SDHB: variants seen among roughly 807,000 people sequenced by gnomAD.
SDHB encodes the protein succinate dehydrogenase [ubiquinone] iron-sulfur subunit, mitochondrial.
SDHB carries 21 observed loss-of-function variants against 39.7 expected under a neutral mutation model. The ratio of observed to expected loss-of-function variants is 0.53; its 90% CI spans 0.37 to 0.76. The LOEUF is 0.76. SDHB is among the 30% of genes least tolerant of loss of function. The probability of loss-of-function intolerance (pLI) is 0.00; values close to 1 mark genes in which losing one functional copy is unlikely to be tolerated. For synonymous variants in SDHB, 118 were observed against 117.0 expected, an observed-to-expected ratio of 1.01 and a Z score of -0.06; for missense variants, 343 against 350.9, an observed-to-expected ratio of 0.98 and a Z score of 0.18.
chr1:17,025,196 C>CT (rs1481975162), intron 5 of SDHB, among the ~76,000 whole-genome samples: 1 of 152,134 alleles, frequency 6.6e-6, no homozygotes, highest in African/African-American at 2.4e-5. Flanking sequence ...GTGCATACAT[C>CT]TGAAGCAGTA....
chr1:17,032,865 A>G, intron 3 of SDHB, 195 bp downstream of exon 3: 1 of 643,956 alleles, frequency 1.6e-6, no homozygotes. Flanking sequence ...GAAGGAAAGT[A>G]AACTCAGAAA....
At chr1:17,039,774 C>T (rs556263260) in intron 2 of SDHB, among the ~76,000 whole-genome samples, 18 of 152,228 alleles carry the variant, frequency 1.2e-4, no homozygotes, top group African/African-American at 4.1e-4. Context: ...CCAGCCCCTA[C>T]GCTATAGTTA....
intron 1 of SDHB, among the ~76,000 whole-genome samples, chr1:17,045,855 T>G (rs1285312228): frequency 1.3e-5 from 2 of 152,184 alleles, no homozygotes; most frequent in South Asian, 4.1e-4. Flanking sequence ...TACAGGGTAC[T>G]TTAATCCCAG....
At chr1:17,032,772 C>A in intron 3 of SDHB, 1 of 470,712 alleles carries the variant, frequency 2.1e-6, no homozygotes, top group Non-Finnish European at 3.9e-6. Flanking sequence ...AAGGTGCCAG[C>A]CAGCAGGTCC....
At chr1:17,043,251 G>A (rs1368892857) in intron 2 of SDHB, among the ~76,000 whole-genome samples, 6 of 152,060 alleles carry the variant, frequency 3.9e-5, no homozygotes, top group Admixed American at 6.6e-5. Context: ...ATGAGCCACC[G>A]CGCCCGGCCT....
At chr1:17,043,821 C>G (rs1168084956) in intron 2 of SDHB, among the ~76,000 whole-genome samples, 1 of 152,202 alleles carries the variant, frequency 6.6e-6, no homozygotes, top group East Asian at 1.9e-4. Flanking sequence ...TTACAGTCAG[C>G]AGAATGACAG....
At chr1:17,053,099 T>C (rs2078157682) in intron 1 of SDHB, among the ~76,000 whole-genome samples, 1 of 152,174 alleles carries the variant, frequency 6.6e-6, no homozygotes, top group Non-Finnish European at 1.5e-5. Flanking sequence ...AAATCCTTAG[T>C]CCCTTATGTA....
At chr1:17,034,474 G>A (rs1056621570) in intron 2 of SDHB, among the ~76,000 whole-genome samples, 6 of 151,874 alleles carry the variant, frequency 4.0e-5, no homozygotes, top group East Asian at 1.9e-4. Flanking sequence ...TCTACCTTCC[G>A]GGTTCAAGCG....
At chr1:17,028,546 T>G in intron 4 of SDHB, 54 bp downstream of exon 4, 1 of 1,595,456 alleles carries the variant, frequency 6.3e-7, no homozygotes, top group Non-Finnish European at 8.6e-7. Context: ...GTAACACACA[T>G]AGCACTGCCC....
At chr1:17,020,070 A>G (rs1034095940) in intron 7 of SDHB, among the ~76,000 whole-genome samples, 1 of 152,234 alleles carries the variant, frequency 6.6e-6, no homozygotes, top group South Asian at 2.1e-4. Context: ...ATTTGTGTGC[A>G]GCATAAAACA....
chr1:17,045,228 A>T, intron 1 of SDHB: 1 of 321,298 alleles, frequency 3.1e-6, no homozygotes, highest in South Asian at 2.6e-5. Flanking sequence ...CTGGATGAAT[A>T]CAGCAGAGAC....
intron 4 of SDHB, 102 bp from the exon 5 acceptor site, chr1:17,027,967 C>G: frequency 1.4e-6 from 1 of 728,574 alleles, no homozygotes; most frequent in Non-Finnish European, 2.5e-6. Flanking sequence ...GACTACTCGT[C>G]CACTCTATGC....
At chr1:17,034,644 T>C (rs2078041768) in intron 2 of SDHB, among the ~76,000 whole-genome samples, 1 of 152,144 alleles carries the variant, frequency 6.6e-6, no homozygotes, top group Non-Finnish European at 1.5e-5. Context: ...CCTTCCCAAA[T>C]GCTGGGATTA....
In SDHB at chr1:17,023,960, A is replaced by C; in HGVS notation, c.642+13T>G. ...GTTTCAATTTCTCTTAAAGCAATTAAGGAGCACCTCACCTGCATAAGAACT... is the reference window on the plus strand; with the variant it reads ...GTTTCAATTTCTCTTAAAGCAATTACGGAGCACCTCACCTGCATAAGAACT... On this transcript the variant is annotated intron_variant, in intron 6 of 7. Transcript: ENST00000375499. The C allele has an allele frequency of 1.3e-6, 2 of 1,592,446 alleles. No individual in the cohort carries two copies. Among genetic ancestry groups the C allele is most frequent in the Non-Finnish European group, 1.7e-6 (2 of 1,160,810 alleles).
chr1:17,032,048 T>G (rs556787518), intron 3 of SDHB, among the ~76,000 whole-genome samples: 1 of 152,332 alleles, frequency 6.6e-6, no homozygotes, highest in South Asian at 2.1e-4. Context: ...CCAGTCGGTC[T>G]TCACTGCACC....
Position 17,039,542 on chromosome 1 carries a change from T to C in SDHB, c.200+5219A>G, listed in dbSNP as rs186242709. On this transcript the variant is annotated intron_variant, in intron 2 of 7. Transcript: ENST00000375499. ...GTCTCAGGGAGGGAGGATTGCTTGG[T>C]TGAGCCTGGGAGGGTTTAGTGAGCC... Among the ~76,000 whole-genome samples, 22 of 152,036 alleles carry C rather than the reference T, an allele frequency of 1.4e-4. No homozygotes were observed. In the East Asian group the frequency reaches 4.1e-3, roughly 28 times the overall value.
Position 17,044,812 on chromosome 1 carries a change from T to G in SDHB, c.149A>C (p.Asp50Ala). 6.2e-7 allele frequency: 1 copy of G among 1,614,128 alleles called. No homozygotes were observed. Among genetic ancestry groups the G allele is most frequent in the Non-Finnish European group, 8.5e-7 (1 of 1,179,998 alleles). The change falls in exon 2 of 8, where the codon GAC becomes GCC. Residue 50 changes from aspartate to alanine, a missense_variant. Transcript: ENST00000375499. ...KKFAIYRWDP[D>A]KAGDKPHMQT... ...CATATGAGGTTTGTCTCCAGCCTTG[T>G]CTGGGTCCCATCGATAGATGGCAAA... is the stretch of plus-strand genomic sequence containing the variant.
In SDHB at chr1:17,042,954, G is replaced by GTTTTTTTTTTTTTTTTT. The variant is rs143394198; in HGVS notation, c.200+1790_200+1806dup. On this transcript the variant is annotated intron_variant, in intron 2 of 7. Transcript: ENST00000375499. ...AGCAGTAGGGTTTTTTGTTTTATGA[G>GTTTTTTTTTTTTTTTTT]TTTTTTTTTTTTTTTTTTTTTTTTT... Among the ~76,000 whole-genome samples the GTTTTTTTTTTTTTTTTT allele has an allele frequency of 2.7e-4, 17 of 62,894 alleles. 3 individuals are homozygous for GTTTTTTTTTTTTTTTTT. The highest frequency in any genetic ancestry group is 1.2e-3 in the East Asian group (2 of 1,702). 41.3% of individuals were successfully genotyped at this position (62,894 alleles called of 152,430 possible).
intron 1 of SDHB, among the ~76,000 whole-genome samples, chr1:17,051,373 T>C (rs932234649): frequency 6.6e-6 from 1 of 152,200 alleles, no homozygotes; most frequent in Non-Finnish European, 1.5e-5. Flanking sequence ...GAATTCTGAA[T>C]GGTGCTGAAG....
Sources: allele counts gnomAD v4.1 joint callset (sites outside exome capture counted in the v4.1 genomes callset), GRCh38; gene constraint gnomAD v4.1.1; transcripts MANE v1.5; gene names NCBI Gene and HGNC (gene_info 2026-07-23, HGNC 2026-07-21).